APOO: variants seen among roughly 807,000 people sequenced by gnomAD.
APOO encodes the protein MICOS complex subunit MIC26.
A neutral mutation model predicts 23.1 loss-of-function variants in APOO; 11 were observed. The observed-to-expected ratio is 0.48, with a 90% CI of 0.30 to 0.79. APOO has a LOEUF of 0.79. APOO is among the 30% of genes least tolerant of loss of function. The pLI, the probability that APOO is intolerant of heterozygous loss-of-function variation, is 0.07. For synonymous variants in APOO, 59 were observed against 54.8 expected (o/e 1.08, Z -0.34); for missense variants, 160 against 142.7 (o/e 1.12, Z -0.62).
At chrX:23,876,753 T>C (rs766123762) in intron 3 of APOO, among the ~76,000 whole-genome samples, 2 of 111,259 alleles carry the variant, frequency 1.8e-5, no homozygotes, top group South Asian at 7.4e-4. Flanking sequence ...GAGCTGAGAC[T>C]GCACCACTGC....
chrX:23,858,594 C>T lies in APOO; in HGVS notation c.480+48G>A, dbSNP rs770884527. 1.8e-4 allele frequency: 203 copies of T among 1,112,815 alleles called. 1 individual carries two copies. In the East Asian group the frequency reaches 5.8e-3, roughly 32 times the overall value. 91.7% of individuals were successfully genotyped at this position (1,112,815 alleles called of 1,213,427 possible). ...TAAAATTAAGCATCAGATTCATACA[C>T]ACACAAACAAGAATGAGGGACATCA... On this transcript the variant is annotated intron_variant, in intron 6 of 8. Transcript: ENST00000379226.
At chrX:23,876,556 C>A (rs995009906) in intron 3 of APOO, among the ~76,000 whole-genome samples, 3 of 110,313 alleles carry the variant, frequency 2.7e-5, no homozygotes, top group African/African-American at 9.9e-5. Flanking sequence ...ATCCCAGCAC[C>A]TTGGGAGGCC....
Position 23,907,672 on chromosome X carries a change from TGACTC to T in APOO, c.9+17_9+21del. ...GGCCGGGAGGGGGCGGTGACAGCTG[TGACTC>T]GACTCCACGCTCTCACCTTGAACAT... is the stretch of plus-strand genomic sequence containing the variant. On this transcript the variant is annotated intron_variant, in intron 1 of 8. Transcript: ENST00000379226. The T allele has an allele frequency of 8.7e-7, 1 of 1,155,449 alleles. No individual in the cohort carries two copies. Among genetic ancestry groups the T allele is most frequent in the Non-Finnish European group, 1.2e-6 (1 of 868,155 alleles).
chrX:23,889,726 G>C (rs1203109130), intron 1 of APOO, among the ~76,000 whole-genome samples: 3 of 99,295 alleles, frequency 3.0e-5, no homozygotes, highest in African/African-American at 1.1e-4. Context: ...GCAGTGGTGC[G>C]ATCTTGGCTC....
chrX:23,844,269 C>T (rs940248140), intron 7 of APOO, among the ~76,000 whole-genome samples: 6 of 111,578 alleles, frequency 5.4e-5, no homozygotes, highest in African/African-American at 2.0e-4. Flanking sequence ...GTTAAAGACC[C>T]CAACACAATT....
intron 7 of APOO, among the ~76,000 whole-genome samples, chrX:23,855,247 A>G (rs1009931079): frequency 3.7e-5 from 4 of 107,294 alleles, no homozygotes; most frequent in African/African-American, 1.4e-4. Flanking sequence ...CTGGTCTCAA[A>G]CTCCTGAGCT....
At chrX:23,838,760 A>G (rs757482160) in intron 8 of APOO, among the ~76,000 whole-genome samples, 4 of 111,635 alleles carry the variant, frequency 3.6e-5, no homozygotes, top group Non-Finnish European at 7.5e-5. Context: ...ATTTTTTACA[A>G]CCAACACGAA....
rs376965613 is a variant in APOO at position 23,860,405 on chromosome X, G to A, written c.389-1672C>T. 7.5e-4 allele frequency among the ~76,000 whole-genome samples: 83 copies of A among 111,123 alleles called. No individual in the cohort carries two copies. The South Asian group carries it at 0.03, about 41-fold the overall frequency. On this transcript the variant is annotated intron_variant, in intron 5 of 8. Transcript: ENST00000379226. ...ACCCAGTAAACCAGGGTTACTGGGT[G>A]TGGTGGCTCACACCTGTAATCCTAG...
At chrX:23,867,419 C>G (rs896994983) in intron 5 of APOO, among the ~76,000 whole-genome samples, 1 of 110,955 alleles carries the variant, frequency 9.0e-6, no homozygotes, top group African/African-American at 3.3e-5. Context: ...CCTCTCTCAC[C>G]ATGTGATGCG....
At position 23,868,687 on chromosome X, in the gene APOO, G is replaced by A. The variant is rs1271863125; in HGVS notation, c.294C>T (p.Asp98=). ...KMQSLVQWGL[D]SYDYLQNAPP... ...GTGCATTTTGGAGATAGTCATAGCT[G>A]TCTACAATAGAATTAGACCAGGAAG... is the stretch of plus-strand genomic sequence containing the variant. Residue 98 remains aspartate (D), a splice_region_variant and synonymous_variant, in exon 5 of 9, where the codon GAC becomes GAT. Coordinates refer to ENST00000379226, the MANE Select transcript of APOO (RefSeq NM_024122.5). 1.4e-5 allele frequency: 17 copies of A among 1,193,370 alleles called. No homozygotes were observed. Among genetic ancestry groups the A allele is most frequent in the Non-Finnish European group, 1.8e-5 (16 of 883,987 alleles).
intron 5 of APOO, among the ~76,000 whole-genome samples, chrX:23,867,616 C>G (rs978649392): frequency 9.0e-6 from 1 of 111,382 alleles, no homozygotes; most frequent in African/African-American, 3.3e-5. Context: ...GAACTCAGCT[C>G]ACTGCAAGCC....
intron 1 of APOO, among the ~76,000 whole-genome samples, chrX:23,892,947 AC>A (rs1263039082): frequency 2.7e-5 from 3 of 109,997 alleles, no homozygotes; most frequent in African/African-American, 9.9e-5. Context: ...AAAAAAAAAA[AC>A]AAACTATGAA....
chrX:23,859,196 A>C (rs1924907512), intron 5 of APOO, among the ~76,000 whole-genome samples: 1 of 111,865 alleles, frequency 8.9e-6, no homozygotes, highest in African/African-American at 3.2e-5. Flanking sequence ...AAATAAAGTC[A>C]TGTGCACCAA....
chrX:23,871,570 C>T (rs1005806062), intron 4 of APOO, among the ~76,000 whole-genome samples: 1 of 111,052 alleles, frequency 9.0e-6, no homozygotes, highest in African/African-American at 3.3e-5. Context: ...GCAGTCCCAC[C>T]CCCACATTTT....
intron 7 of APOO, among the ~76,000 whole-genome samples, chrX:23,854,316 C>G (rs2050752041): frequency 8.9e-6 from 1 of 111,749 alleles, no homozygotes; most frequent in Admixed American, 9.6e-5. Flanking sequence ...TGTGTCTGCA[C>G]AGACACCACA....
chrX:23,839,473 GAAA>G (rs956491497), intron 8 of APOO, among the ~76,000 whole-genome samples: 22 of 111,194 alleles, frequency 2.0e-4, no homozygotes, highest in Non-Finnish European at 9.4e-5. Context: ...AAAGCTTGAG[GAAA>G]AAAGACCCTT....
In APOO at chrX:23,878,981, C is replaced by T. The variant is rs1319055036; in HGVS notation, c.171G>A (p.Arg57=). The T allele has an allele frequency of 8.3e-7, 1 of 1,209,910 alleles. No individual in the cohort carries two copies. Among genetic ancestry groups the T allele is most frequent in the Non-Finnish European group, 1.1e-6 (1 of 895,058 alleles). The change falls in exon 3 of 9, where the codon AGG becomes AGA. Residue 57 remains arginine (R), a synonymous_variant. Transcript: ENST00000379226. ...EGQSKYVEEA[R]SQLEESISQL... is the part of the protein sequence containing the mutation. ...GTGAGATGCTTTCTTCAAGCTGGCTCCTTGCCTCCTCCACATACTTCGATT... is the reference window on the plus strand; with the variant it reads ...GTGAGATGCTTTCTTCAAGCTGGCTTCTTGCCTCCTCCACATACTTCGATT...
chrX:23,898,787 TACTC>T (rs1317077321), intron 1 of APOO, among the ~76,000 whole-genome samples: 1 of 111,827 alleles, frequency 8.9e-6, no homozygotes, highest in Non-Finnish European at 1.9e-5. Context: ...TTTGCTTACT[TACTC>T]ACTCACCAGT....
intron 5 of APOO, among the ~76,000 whole-genome samples, chrX:23,860,672 C>G (rs1307468560): frequency 1.8e-5 from 2 of 108,624 alleles, no homozygotes; most frequent in Non-Finnish European, 3.8e-5. Flanking sequence ...GCCATCATGC[C>G]TGGCTAATTT....
Sources: gnomAD v4.1 joint callset for allele counts (sites outside exome capture counted in the v4.1 genomes callset) on GRCh38, gnomAD v4.1.1 for gene constraint, MANE v1.5 for transcripts, NCBI Gene and HGNC (gene_info 2026-07-23, HGNC 2026-07-21) for gene names.